ALDH18A1: variants seen among roughly 807,000 people sequenced by gnomAD.
The protein encoded by ALDH18A1 is delta-1-pyrroline-5-carboxylate synthase.
In ALDH18A1, 44 loss-of-function variants were observed where a neutral mutation model predicts 88.8. That is an observed-to-expected ratio of 0.50 (90% confidence interval 0.39 to 0.64). The LOEUF (loss-of-function observed/expected upper bound fraction) is 0.64. Ranked by LOEUF, ALDH18A1 falls within the 30% of genes least tolerant of loss-of-function variation. ALDH18A1 has a pLI of 0.00. For synonymous variants in ALDH18A1, 331 were observed against 372.1 expected, an observed-to-expected ratio of 0.89 and a Z score of 1.27; for missense variants, 782 against 1,009.5, an observed-to-expected ratio of 0.77 and a Z score of 3.05.
intron 12 of ALDH18A1, 146 bp downstream of exon 12, chr10:95,620,885 C>A: frequency 2.6e-6 from 2 of 756,844 alleles, no homozygotes; most frequent in Non-Finnish European, 4.3e-6. Flanking sequence ...CACATGTATA[C>A]CTATGTAACA....
rs912472066 is a variant in ALDH18A1 at position 95,627,467 on chromosome 10, G to A, written c.1053C>T (p.Thr351=). The part of the protein sequence containing the change: ...TDIVEGKKVG[T]FFSEVKPAGP... ...CTGCAGGCTTTACTTCTGAAAAGAA[G>A]GTACCAACTTTCTTCCCCTCCACAA... The change falls in exon 9 of 18, where the codon ACC becomes ACT. Residue 351 remains threonine (T), a synonymous_variant. Coordinates refer to ENST00000371224, the MANE Select transcript of ALDH18A1 (RefSeq NM_002860.4). 1 of 1,614,008 alleles carries A rather than the reference G, an allele frequency of 6.2e-7. No homozygotes were observed. The highest frequency in any genetic ancestry group is 8.5e-7 in the Non-Finnish European group (1 of 1,179,994).
chr10:95,616,671 G>A, intron 12 of ALDH18A1, 57 bp from the exon 13 acceptor site: 2 of 1,568,582 alleles, frequency 1.3e-6, no homozygotes, highest in Non-Finnish European at 1.7e-6. Context: ...TAGCAACAGT[G>A]ATGTTAGCAT....
chr10:95,643,973 G>A lies in ALDH18A1; in HGVS notation c.89-767C>T, dbSNP rs148752774. Among the ~76,000 whole-genome samples, 536 of 152,224 alleles carry A rather than the reference G, an allele frequency of 3.5e-3. 2 individuals carry two copies. Among genetic ancestry groups the A allele is most frequent in the African/African-American group, 0.012 (495 of 41,536 alleles). On this transcript the variant is annotated intron_variant, in intron 2 of 17. Transcript: ENST00000371224. The stretch of plus-strand genomic sequence containing the variant: ...AGCCTGGACAACATGGTGAAACCCC[G>A]TCTCTACTAAAATGCAAAACTTAGC...
intron 3 of ALDH18A1, among the ~76,000 whole-genome samples, chr10:95,641,470 G>A (rs947319861): frequency 2.4e-5 from 3 of 126,884 alleles, no homozygotes; most frequent in African/African-American, 9.1e-5. Flanking sequence ...AGGTGGGTTT[G>A]ATCATTGCTG....
intron 1 of ALDH18A1, among the ~76,000 whole-genome samples, chr10:95,654,347 C>G (rs1399414956): frequency 1.3e-5 from 2 of 151,868 alleles, no homozygotes; most frequent in Non-Finnish European, 2.9e-5. Context: ...TGTATTTTAG[C>G]AGAGACGGGG....
Position 95,654,257 on chromosome 10 carries a change from C to T in ALDH18A1, c.-28-852G>A, listed in dbSNP as rs372166064. ...TCGGCTCACTGCAACCTCTGTCTCC[C>T]GGGTTCAAGTGATTCCCCTGCCTCA... On this transcript the variant is annotated intron_variant, in intron 1 of 17. Transcript: ENST00000371224. Among the ~76,000 whole-genome samples the T allele has an allele frequency of 4.5e-3, 684 of 151,620 alleles. 2 individuals carry two copies. Among genetic ancestry groups the T allele is most frequent in the Middle Eastern group, 0.021 (6 of 292 alleles).
At chr10:95,648,519 T>C (rs1364792658) in intron 2 of ALDH18A1, among the ~76,000 whole-genome samples, 1 of 152,192 alleles carries the variant, frequency 6.6e-6, no homozygotes, top group African/African-American at 2.4e-5. Context: ...ACAATCCTTT[T>C]GCAGCTTCTC....
intron 10 of ALDH18A1, among the ~76,000 whole-genome samples, chr10:95,625,902 T>C (rs537213593): frequency 6.6e-6 from 1 of 152,226 alleles, no homozygotes; most frequent in Non-Finnish European, 1.5e-5. Context: ...TTAGTTAGTT[T>C]ATGTCCAGGT....
Position 95,613,823 on chromosome 10 carries a change from A to G in ALDH18A1, c.1842T>C (p.Ala614=). The G allele has an allele frequency of 6.2e-7, 1 of 1,614,194 alleles. No homozygotes were observed. Among genetic ancestry groups the G allele is most frequent in the Non-Finnish European group, 8.5e-7 (1 of 1,180,020 alleles). Residue 614 remains alanine (A), a synonymous_variant, in exon 15 of 18, where the codon GCT becomes GCC. Coordinates refer to ENST00000371224, the MANE Select transcript of ALDH18A1 (RefSeq NM_002860.4). Reference sequence around the variant, plus strand: ...CCCGGTGGATTAACAAAGTCTCCAAAGCATTACAGGCAGCTGGATATTCAC... The same window carrying G: ...CCCGGTGGATTAACAAAGTCTCCAAGGCATTACAGGCAGCTGGATATTCAC... The part of the protein sequence containing the change: ...SKCEYPAACN[A]LETLLIHRDL...
chr10:95,638,174 C>G (rs2097884707), intron 3 of ALDH18A1, among the ~76,000 whole-genome samples: 1 of 152,064 alleles, frequency 6.6e-6, no homozygotes, highest in Non-Finnish European at 1.5e-5. Flanking sequence ...CCACCATGCC[C>G]AGCTAATTTT....
At chr10:95,626,458 A>G (rs1293868622) in intron 10 of ALDH18A1, among the ~76,000 whole-genome samples, 1 of 152,184 alleles carries the variant, frequency 6.6e-6, no homozygotes, top group Non-Finnish European at 1.5e-5. Context: ...CATCATTTTT[A>G]TGATGCTCTT....
intron 11 of ALDH18A1, among the ~76,000 whole-genome samples, chr10:95,622,902 C>T (rs2986401): frequency 0.35 from 52,684 of 151,772 alleles, 9,799 homozygotes; most frequent in East Asian, 0.7. Flanking sequence ...CAAACATGTA[C>T]GTACATCTTC....
Position 95,614,069 on chromosome 10 carries a change from G to A in ALDH18A1, c.1698C>T (p.Asp566=). Residue 566 remains aspartate (D), a synonymous_variant, in exon 14 of 18, where the codon GAC becomes GAT. Coordinates refer to ENST00000371224, the MANE Select transcript of ALDH18A1 (RefSeq NM_002860.4). Reference sequence around the variant, plus strand: ...GAATCCCCTTAGCAGCTTTCTGGATGTCTCTGACCAGCTGGGAAGAGCCAC... The same window carrying A: ...GAATCCCCTTAGCAGCTTTCTGGATATCTCTGACCAGCTGGGAAGAGCCAC... ...IPRGSSQLVR[D]IQKAAKGIPV... 6.2e-7 allele frequency: 1 copy of A among 1,614,172 alleles called. No homozygotes were observed. Among genetic ancestry groups the A allele is most frequent in the Non-Finnish European group, 8.5e-7 (1 of 1,180,040 alleles).
At position 95,619,962 on chromosome 10, in the gene ALDH18A1, T is replaced by G. The variant is rs554968475; in HGVS notation, c.1467+1069A>C. Among the ~76,000 whole-genome samples, 83 of 152,308 alleles carry G rather than the reference T, an allele frequency of 5.4e-4. 3 individuals are homozygous for G. The highest frequency in any genetic ancestry group is 4.4e-3 in the Admixed American group (67 of 15,300). On this transcript the variant is annotated intron_variant, in intron 12 of 17. Coordinates refer to ENST00000371224, the MANE Select transcript of ALDH18A1 (RefSeq NM_002860.4). ...TGGGATCTAATTAAACTAAAGAGCTTCTGCATGGCAAAAGAAACTACCATG... is the reference window on the plus strand; with the variant it reads ...TGGGATCTAATTAAACTAAAGAGCTGCTGCATGGCAAAAGAAACTACCATG...
intron 7 of ALDH18A1, 55 bp from the exon 8 acceptor site, chr10:95,628,547 A>T: frequency 1.9e-6 from 3 of 1,596,174 alleles, no homozygotes; most frequent in Non-Finnish European, 2.6e-6. Flanking sequence ...TCTCCAAGAC[A>T]GGCCTCCCCA....
chr10:95,625,485 A>G lies in ALDH18A1; in HGVS notation c.1153-30T>C, dbSNP rs10509688. The G allele has an allele frequency of 0.17, 263,161 of 1,582,184 alleles. 24,766 individuals are homozygous for G. Among genetic ancestry groups the G allele is most frequent in the East Asian group, 0.47 (20,983 of 44,630 alleles). ...AAGAAAGGTACACCATTAAAAAAAC[A>G]GAGATGTTAATCCAAGAAGAATGCA... is the stretch of plus-strand genomic sequence containing the variant. On this transcript the variant is annotated intron_variant, in intron 10 of 17. Transcript: ENST00000371224.
At chr10:95,633,812 CTT>C (rs869056809) in intron 5 of ALDH18A1, among the ~76,000 whole-genome samples, 163 bp from the exon 6 acceptor site, 46 of 103,262 alleles carry the variant, frequency 4.5e-4, no homozygotes, top group Middle Eastern at 6.1e-3. Context: ...CTATCCAATT[CTT>C]TTTTTTTTTT....
At chr10:95,656,459 C>T (rs2097918233) in intron 1 of ALDH18A1, 138 bp downstream of exon 1, 1 of 152,326 alleles carries the variant, frequency 6.6e-6, no homozygotes, top group Non-Finnish European at 1.5e-5. Context: ...TGGGCCAGAT[C>T]CCCGGGCCCC....
chr10:95,628,443 T>C lies in ALDH18A1; in HGVS notation c.858A>G (p.Ile286Met), dbSNP rs927809124. ...CAGACTGCTGATCTCCGGGATAAAA[T>C]ATATCAATAAGCTTTGCATCATCTG... ...PGSDDAKLID[I>M]FYPGDQQSVT... The change falls in exon 8 of 18, where the codon ATA becomes ATG. Residue 286 changes from isoleucine to methionine, a missense_variant. Coordinates refer to ENST00000371224, the MANE Select transcript of ALDH18A1 (RefSeq NM_002860.4). 1 of 1,613,886 alleles carries C rather than the reference T, an allele frequency of 6.2e-7. No individual in the cohort carries two copies. The highest frequency in any genetic ancestry group is 1.3e-5 in the African/African-American group (1 of 74,910).
Sources: gnomAD v4.1 joint callset for allele counts (sites outside exome capture counted in the v4.1 genomes callset) on GRCh38, gnomAD v4.1.1 for gene constraint, MANE v1.5 for transcripts, NCBI Gene and HGNC (gene_info 2026-07-23, HGNC 2026-07-21) for gene names.